The following PAX5 variants were observed in gnomAD, a reference collection of about 807,000 sequenced individuals.
PAX5 encodes paired box protein Pax-5.
A neutral mutation model predicts 43.7 loss-of-function variants in PAX5; 9 were observed. That is an observed-to-expected ratio of 0.21 (90% CI 0.12 to 0.36). The LOEUF (loss-of-function observed/expected upper bound fraction) is 0.36, where lower values mean the gene tolerates loss of function less well. PAX5 is among the 10% of genes least tolerant of loss of function. The pLI, the probability that PAX5 is intolerant of heterozygous loss-of-function variation, is 1.00. For synonymous variants in PAX5, 228 were observed against 214.3 expected (o/e 1.06, Z -0.56); for missense variants, 383 against 532.7 (o/e 0.72, Z 2.77).
At chr9:37,033,946 C>T (rs745491534) in intron 1 of PAX5, 40 bp downstream of exon 1, 1 of 1,606,118 alleles carries the variant, frequency 6.2e-7, no homozygotes, top group Non-Finnish European at 8.5e-7. Flanking sequence ...CTGGCCGTGT[C>T]CCGGAGTTTG....
At chr9:36,900,176 T>C (rs1234719082) in intron 7 of PAX5, among the ~76,000 whole-genome samples, 1 of 152,244 alleles carries the variant, frequency 6.6e-6, no homozygotes, top group African/African-American at 2.4e-5. Flanking sequence ...GAGACGTGAT[T>C]TCCCAGCCTC....
intron 7 of PAX5, among the ~76,000 whole-genome samples, chr9:36,910,514 A>C (rs1563957548): frequency 6.6e-6 from 1 of 152,114 alleles, no homozygotes; most frequent in Non-Finnish European, 1.5e-5. Context: ...TTTTTTTTTA[A>C]GTTTAAAAAA....
chr9:36,854,134 C>T (rs1043534748), intron 8 of PAX5, among the ~76,000 whole-genome samples: 4 of 152,232 alleles, frequency 2.6e-5, no homozygotes, highest in African/African-American at 7.2e-5. Context: ...GAGGAAGAAA[C>T]GATTTGAAAA....
intron 3 of PAX5, among the ~76,000 whole-genome samples, chr9:37,014,260 T>C (rs1456628199): frequency 6.6e-6 from 1 of 152,248 alleles, no homozygotes; most frequent in African/African-American, 2.4e-5. Flanking sequence ...AAGGGAGCTG[T>C]GTGGCTGCCA....
At chr9:36,966,085 G>A (rs370447116) in intron 6 of PAX5, among the ~76,000 whole-genome samples, 3 of 152,172 alleles carry the variant, frequency 2.0e-5, no homozygotes, top group Non-Finnish European at 4.4e-5. Flanking sequence ...AGAATGACAA[G>A]GCGACCTGGT....
chr9:36,868,291 C>T (rs1825095595), intron 8 of PAX5, among the ~76,000 whole-genome samples: 1 of 152,170 alleles, frequency 6.6e-6, no homozygotes, highest in Non-Finnish European at 1.5e-5. Flanking sequence ...TCAGATAAAT[C>T]CCACCCACAG....
intron 1 of PAX5, among the ~76,000 whole-genome samples, chr9:37,025,675 G>A (rs1840272096): frequency 6.6e-6 from 1 of 152,248 alleles, no homozygotes; most frequent in African/African-American, 2.4e-5. Context: ...ACAGGAGGCT[G>A]TGGTAATGGG....
At chr9:37,028,369 C>T (rs1840642438) in intron 1 of PAX5, among the ~76,000 whole-genome samples, 1 of 152,214 alleles carries the variant, frequency 6.6e-6, no homozygotes, top group African/African-American at 2.4e-5. Context: ...ACTGGCTCCT[C>T]GTCGTCCACC....
chr9:36,927,473 T>C (rs980389323), intron 6 of PAX5, among the ~76,000 whole-genome samples: 1 of 152,236 alleles, frequency 6.6e-6, no homozygotes, highest in African/African-American at 2.4e-5. Flanking sequence ...AAATTCAGTA[T>C]CAAACAAAGC....
chr9:37,012,104 A>G (rs1263620945), intron 3 of PAX5, among the ~76,000 whole-genome samples: 1 of 152,178 alleles, frequency 6.6e-6, no homozygotes, highest in East Asian at 1.9e-4. Flanking sequence ...GAATACTCCC[A>G]AAAAGGAGCC....
intron 1 of PAX5, among the ~76,000 whole-genome samples, chr9:37,021,249 C>A (rs1839825294): frequency 6.6e-6 from 1 of 152,058 alleles, no homozygotes; most frequent in South Asian, 2.1e-4. Context: ...GTGAAAAGAA[C>A]AACTCCAATA....
intron 5 of PAX5, among the ~76,000 whole-genome samples, chr9:36,992,491 C>A (rs1837032520): frequency 6.6e-6 from 1 of 152,184 alleles, no homozygotes; most frequent in Non-Finnish European, 1.5e-5. Flanking sequence ...AGAAAGCCTG[C>A]TGGAGGGAAA....
intron 6 of PAX5, among the ~76,000 whole-genome samples, chr9:36,959,433 T>C (rs930625250): frequency 1.2e-4 from 19 of 152,244 alleles, no homozygotes; most frequent in African/African-American, 4.3e-4. Context: ...ACCTCAAGCC[T>C]TCTCTTCATC....
At chr9:36,884,264 T>C (rs900432706) in intron 7 of PAX5, among the ~76,000 whole-genome samples, 1 of 152,202 alleles carries the variant, frequency 6.6e-6, no homozygotes, top group Non-Finnish European at 1.5e-5. Context: ...ATCATACTGA[T>C]TGGGCAATAT....
At chr9:36,995,583 G>A (rs1837323633) in intron 5 of PAX5, among the ~76,000 whole-genome samples, 1 of 152,172 alleles carries the variant, frequency 6.6e-6, no homozygotes, top group Non-Finnish European at 1.5e-5. Flanking sequence ...GAGGAAAACT[G>A]AATTTATCAC....
intron 6 of PAX5, among the ~76,000 whole-genome samples, chr9:36,966,143 C>T (rs1157066255): frequency 3.9e-5 from 6 of 152,242 alleles, no homozygotes; most frequent in Non-Finnish European, 7.3e-5. Context: ...TTCCATTGTT[C>T]ACGGCCGGTG....
intron 8 of PAX5, among the ~76,000 whole-genome samples, chr9:36,851,761 G>A (rs984987585): frequency 6.6e-6 from 1 of 152,188 alleles, no homozygotes; most frequent in Admixed American, 6.5e-5. Flanking sequence ...GATGGCCCAC[G>A]ATGGGATTCC....
chr9:36,854,841 G>C (rs1317086680), intron 8 of PAX5, among the ~76,000 whole-genome samples: 1 of 152,230 alleles, frequency 6.6e-6, no homozygotes, highest in Non-Finnish European at 1.5e-5. Flanking sequence ...AACCGAGAGA[G>C]AGGGTGAGCA....
At position 36,973,073 on chromosome 9, in the gene PAX5, C is replaced by A. The variant is rs11789960; in HGVS notation, c.605-6349G>T. ...AAGAAAGAAAAGGAAAGGAAAGGAA[C>A]GGAACGGAACGGAAAGGAAAGGAAA... is the stretch of plus-strand genomic sequence containing the variant. On this transcript the variant is annotated intron_variant, in intron 5 of 9. Coordinates refer to ENST00000358127, the MANE Select transcript of PAX5 (RefSeq NM_016734.3). 1.0e-3 allele frequency among the ~76,000 whole-genome samples: 28 copies of A among 27,016 alleles called. 1 individual carries two copies. The Middle Eastern group carries it at 0.065, about 63-fold the overall frequency. 17.7% of individuals were successfully genotyped at this position (27,016 alleles called of 152,430 possible).
Sources: allele counts gnomAD v4.1 joint callset (sites outside exome capture counted in the v4.1 genomes callset), GRCh38; gene constraint gnomAD v4.1.1; transcripts MANE v1.5; gene names NCBI Gene and HGNC (gene_info 2026-07-23, HGNC 2026-07-21).